Variants in CNTN4 observed in about 807,000 individuals in gnomAD.
CNTN4 encodes the protein contactin-4.
In CNTN4, 77 loss-of-function variants were observed where a neutral mutation model predicts 122.5. The observed-to-expected ratio is 0.63, with a 90% CI of 0.52 to 0.76. The LOEUF (loss-of-function observed/expected upper bound fraction) is 0.76. Among genes scored for constraint, CNTN4 ranks in the 30% least tolerant of loss-of-function variants. The pLI is 0.00. For missense variants in CNTN4, 1,256 were observed against 1,259.1 expected (o/e 1.00, Z 0.04); for synonymous variants, 512 against 447.0 (o/e 1.15, Z -1.83).
chr3:2,248,119 A>T (rs2040227103), intron 2 of CNTN4, among the ~76,000 whole-genome samples: 1 of 151,962 alleles, frequency 6.6e-6, no homozygotes, highest in African/African-American at 2.4e-5. Context: ...ATAAAGTAAG[A>T]ACCTATAAAA....
chr3:2,888,665 T>C (rs1276763817), intron 10 of CNTN4, among the ~76,000 whole-genome samples: 1 of 151,976 alleles, frequency 6.6e-6, no homozygotes, highest in East Asian at 1.9e-4. Flanking sequence ...TATATACATA[T>C]GAATATGTAT....
chr3:2,141,967 T>A (rs1311458163), intron 2 of CNTN4, among the ~76,000 whole-genome samples: 1 of 152,202 alleles, frequency 6.6e-6, no homozygotes, highest in East Asian at 1.9e-4. Flanking sequence ...GTTCTATAAA[T>A]CCAAAGCTGC....
intron 2 of CNTN4, among the ~76,000 whole-genome samples, chr3:2,170,025 C>A (rs1015873636): frequency 4.6e-5 from 7 of 151,518 alleles, no homozygotes; most frequent in African/African-American, 1.5e-4. Flanking sequence ...TTGCAAGAAT[C>A]AAAAAAGTAA....
At chr3:3,031,968 A>G (rs1393848843) in intron 16 of CNTN4, among the ~76,000 whole-genome samples, 1 of 152,198 alleles carries the variant, frequency 6.6e-6, no homozygotes, top group Non-Finnish European at 1.5e-5. Flanking sequence ...TGGAAGCCAT[A>G]AAGAGTGTTG....
At chr3:2,526,934 A>C (rs1358660271) in intron 3 of CNTN4, among the ~76,000 whole-genome samples, 2 of 152,156 alleles carry the variant, frequency 1.3e-5, no homozygotes, top group Admixed American at 1.3e-4. Flanking sequence ...CCAAATCTCT[A>C]GATCTGAATC....
chr3:2,170,682 G>A (rs1181905612), intron 2 of CNTN4, among the ~76,000 whole-genome samples: 1 of 152,072 alleles, frequency 6.6e-6, no homozygotes, highest in African/African-American at 2.4e-5. Flanking sequence ...AGAAATGTAG[G>A]GAGTGAACAG....
chr3:2,625,836 A>G (rs2082163395), intron 4 of CNTN4, among the ~76,000 whole-genome samples: 1 of 152,178 alleles, frequency 6.6e-6, no homozygotes, highest in Non-Finnish European at 1.5e-5. Flanking sequence ...GAGTTGACTC[A>G]TGAGGTATTT....
chr3:2,521,092 G>A (rs1219733287), intron 3 of CNTN4, among the ~76,000 whole-genome samples: 1 of 152,042 alleles, frequency 6.6e-6, no homozygotes, highest in Non-Finnish European at 1.5e-5. Context: ...TTCTTGCTCT[G>A]TTGGCTGTTT....
chr3:2,121,680 A>G (rs969631897), intron 2 of CNTN4, among the ~76,000 whole-genome samples: 1 of 152,212 alleles, frequency 6.6e-6, no homozygotes, highest in Non-Finnish European at 1.5e-5. Flanking sequence ...ACTGAAGTGT[A>G]CAACCTTCAC....
intron 2 of CNTN4, among the ~76,000 whole-genome samples, chr3:2,283,000 G>A (rs963413652): frequency 6.6e-6 from 1 of 152,090 alleles, no homozygotes; most frequent in African/African-American, 2.4e-5. Context: ...GGTACAGAGG[G>A]GAATGGAGAG....
chr3:3,001,250 GTCTC>G (rs1163431515), intron 14 of CNTN4, among the ~76,000 whole-genome samples: 2 of 152,298 alleles, frequency 1.3e-5, no homozygotes, highest in East Asian at 3.9e-4. Flanking sequence ...ACAACCTCAA[GTCTC>G]TCTCACTACG....
intron 10 of CNTN4, among the ~76,000 whole-genome samples, chr3:2,890,195 T>A (rs1387996061): frequency 6.6e-6 from 1 of 152,180 alleles, no homozygotes; most frequent in East Asian, 1.9e-4. Flanking sequence ...GTGACAAAAA[T>A]TATCTAATTG....
chr3:2,820,918 T>C (rs2092851245), intron 7 of CNTN4, among the ~76,000 whole-genome samples: 1 of 151,194 alleles, frequency 6.6e-6, no homozygotes, highest in Non-Finnish European at 1.5e-5. Flanking sequence ...CAGCTCATAA[T>C]GTTCTTTTAT....
intron 10 of CNTN4, among the ~76,000 whole-genome samples, chr3:2,895,826 A>AGATC (rs1426953191): frequency 2.0e-5 from 3 of 152,180 alleles, no homozygotes; most frequent in Non-Finnish European, 4.4e-5. Flanking sequence ...CAAGGTCAGG[A>AGATC]GATCGAGACC....
intron 3 of CNTN4, among the ~76,000 whole-genome samples, chr3:2,391,172 G>T (rs1457641663): frequency 6.6e-6 from 1 of 152,156 alleles, no homozygotes; most frequent in African/African-American, 2.4e-5. Flanking sequence ...CTTTGTTTAT[G>T]GGGTTGGATA....
At chr3:2,981,043 G>C (rs1435493766) in intron 13 of CNTN4, among the ~76,000 whole-genome samples, 1 of 152,178 alleles carries the variant, frequency 6.6e-6, no homozygotes, top group Non-Finnish European at 1.5e-5. Context: ...ACAGCTGCCA[G>C]CATTCACCCA....
At chr3:3,042,886 A>G in intron 21 of CNTN4, 91 bp from the exon 22 acceptor site, 1 of 1,022,170 alleles carries the variant, frequency 9.8e-7, no homozygotes, top group Non-Finnish European at 1.5e-6. Context: ...AACTAACTCC[A>G]TCATAAGAAT....
At chr3:2,670,957 G>A (rs1357405705) in intron 4 of CNTN4, among the ~76,000 whole-genome samples, 2 of 152,226 alleles carry the variant, frequency 1.3e-5, no homozygotes, top group East Asian at 1.9e-4. Context: ...TCTGCGGAGA[G>A]ATCAGCTGTT....
chr3:2,974,002 T>C (rs909637942), intron 13 of CNTN4, among the ~76,000 whole-genome samples: 4 of 152,164 alleles, frequency 2.6e-5, no homozygotes, highest in African/African-American at 9.7e-5. Context: ...ATACAGACAT[T>C]AAAAAGCACT....
Sources: allele counts gnomAD v4.1 joint callset (sites outside exome capture counted in the v4.1 genomes callset), GRCh38; gene constraint gnomAD v4.1.1; transcripts MANE v1.5; gene names NCBI Gene and HGNC (gene_info 2026-07-23, HGNC 2026-07-21).